DNAH9: variants seen among roughly 807,000 people sequenced by gnomAD.
DNAH9 encodes the protein dynein axonemal heavy chain 9.
Under a neutral mutation model 471.6 loss-of-function variants are expected in DNAH9, and 345 were observed. That is an observed-to-expected ratio of 0.73 (90% CI 0.67 to 0.80). DNAH9 has a LOEUF of 0.80. DNAH9 is among the 30% of genes least tolerant of loss of function. DNAH9 has a pLI of 0.00. For synonymous variants in DNAH9, 2,093 were observed against 2,123.6 expected, an observed-to-expected ratio of 0.99 and a Z score of 0.40; for missense variants, 5,407 against 5,609.2, an observed-to-expected ratio of 0.96 and a Z score of 1.15.
chr17:11,813,256 A>C (rs764299621), intron 45 of DNAH9, among the ~76,000 whole-genome samples: 15 of 152,152 alleles, frequency 9.9e-5, no homozygotes, highest in Non-Finnish European at 2.2e-4. Flanking sequence ...AAAAGGTAAA[A>C]TTTGTGTATA....
intron 61 of DNAH9, among the ~76,000 whole-genome samples, chr17:11,919,033 G>A (rs1042387329): frequency 6.6e-6 from 1 of 152,012 alleles, no homozygotes; most frequent in Non-Finnish European, 1.5e-5. Flanking sequence ...AAAAGAGATG[G>A]GATTTAAATG....
intron 43 of DNAH9, among the ~76,000 whole-genome samples, chr17:11,800,866 A>T (rs1969429222): frequency 6.6e-6 from 1 of 152,228 alleles, no homozygotes; most frequent in South Asian, 2.1e-4. Flanking sequence ...GGAACCTAGC[A>T]GGTGCTCAGT....
At chr17:11,605,305 A>G (rs2072477296) in intron 1 of DNAH9, among the ~76,000 whole-genome samples, 1 of 152,006 alleles carries the variant, frequency 6.6e-6, no homozygotes, top group Non-Finnish European at 1.5e-5. Context: ...ATCTTTATTC[A>G]CAGAACTTAC....
intron 28 of DNAH9, among the ~76,000 whole-genome samples, chr17:11,728,529 AAAAAAAAAAAC>A (rs1458860700): frequency 3.0e-5 from 1 of 33,874 alleles, no homozygotes; most frequent in Non-Finnish European, 1.3e-4. Context: ...TCTGACCTAA[AAAAAAAAAAAC>A]AAAAAAAACT....
Position 11,665,735 on chromosome 17 carries a change from G to A in DNAH9, c.2731+767G>A, listed in dbSNP as rs145355537. Among the ~76,000 whole-genome samples the A allele has an allele frequency of 3.1e-3, 465 of 152,304 alleles. 2 individuals carry two copies. Among genetic ancestry groups the A allele is most frequent in the East Asian group, 0.028 (147 of 5,178 alleles). On this transcript the variant is annotated intron_variant, in intron 15 of 68. Transcript: ENST00000262442. ...TAGCAAATAACCTATAGAAGGATTTGTCAAAATGGTAAGGCAGAGGTAAAT... is the reference window on the plus strand; with the variant it reads ...TAGCAAATAACCTATAGAAGGATTTATCAAAATGGTAAGGCAGAGGTAAAT...
intron 28 of DNAH9, among the ~76,000 whole-genome samples, chr17:11,732,406 C>T (rs902076141): frequency 7.2e-5 from 11 of 152,148 alleles, no homozygotes; most frequent in African/African-American, 2.6e-4. Context: ...ATTATTCACA[C>T]GGCAATCCAG....
At position 11,788,967 on chromosome 17, in the gene DNAH9, T is replaced by C. The variant is rs76632909; in HGVS notation, c.8061+4428T>C. Among the ~76,000 whole-genome samples, 904 of 152,234 alleles carry C rather than the reference T, an allele frequency of 5.9e-3. 11 individuals carry two copies. Among genetic ancestry groups the C allele is most frequent in the African/African-American group, 0.021 (876 of 41,578 alleles). ...TGAATATGTGTTGAAACTTAACAAA[T>C]GATTTTTCTGCCATCTGTTTAATTA... is the stretch of plus-strand genomic sequence containing the variant. On this transcript the variant is annotated intron_variant, in intron 41 of 68. Transcript: ENST00000262442.
intron 29 of DNAH9, among the ~76,000 whole-genome samples, chr17:11,740,104 G>A (rs1390497034): frequency 1.3e-5 from 2 of 152,146 alleles, no homozygotes; most frequent in African/African-American, 4.8e-5. Context: ...AAGAGCTGCT[G>A]GAATGCCAAC....
chr17:11,936,585 G>C (rs1188745411), intron 65 of DNAH9, among the ~76,000 whole-genome samples: 2 of 152,150 alleles, frequency 1.3e-5, no homozygotes, highest in Non-Finnish European at 2.9e-5. Flanking sequence ...AGTGAGCTGT[G>C]TACTCTACTG....
Position 11,727,488 on chromosome 17 carries a change from C to A in DNAH9, c.5710-330C>A, listed in dbSNP as rs935529754. On this transcript the variant is annotated intron_variant, in intron 27 of 68. Transcript: ENST00000262442. ...TGCATGACAAAGGCTGGGTGGAAGG[C>A]TTTTTGTCTGTATAGCATAAGAAAA... Among the ~76,000 whole-genome samples, 5 of 152,128 alleles carry A rather than the reference C, an allele frequency of 3.3e-5. No individual in the cohort carries two copies. In the East Asian group the frequency reaches 9.7e-4, roughly 29 times the overall value.
intron 38 of DNAH9, among the ~76,000 whole-genome samples, chr17:11,777,105 G>A (rs1567794834): frequency 6.6e-6 from 1 of 152,194 alleles, no homozygotes; most frequent in Admixed American, 6.5e-5. Flanking sequence ...TGTGATATAT[G>A]CCTCCTAGAA....
At chr17:11,611,842 T>G in intron 4 of DNAH9, 62 bp downstream of exon 4, 1 of 1,540,254 alleles carries the variant, frequency 6.5e-7, no homozygotes, top group Non-Finnish European at 9.0e-7. Context: ...AATGATGCAT[T>G]CACCTCTCTC....
chr17:11,699,817 C>G lies in DNAH9; in HGVS notation c.4959C>G (p.Ser1653Arg). 4 of 1,614,196 alleles carry G rather than the reference C, an allele frequency of 2.5e-6. No individual in the cohort carries two copies. Among genetic ancestry groups the G allele is most frequent in the Non-Finnish European group, 2.5e-6 (3 of 1,179,990 alleles). ...LDASGEPTKT[S>R]LGMYSKEEEY... ...CCAGTGGGGAACCAACCAAGACAAG[C>G]CTCGGCATGTACAGCAAAGAAGAGG... is the stretch of plus-strand genomic sequence containing the variant. Residue 1653 changes from serine to arginine, a missense_variant, in exon 23 of 69, where the codon AGC (serine) becomes AGG (arginine). Coordinates refer to ENST00000262442, the MANE Select transcript of DNAH9 (RefSeq NM_001372.4).
intron 62 of DNAH9, among the ~76,000 whole-genome samples, chr17:11,924,504 A>G (rs1974249110): frequency 6.6e-6 from 1 of 152,090 alleles, no homozygotes; most frequent in Non-Finnish European, 1.5e-5. Context: ...AAGAGAGTTA[A>G]ATTAAAGAAT....
intron 11 of DNAH9, among the ~76,000 whole-genome samples, chr17:11,644,952 T>C (rs2073352854): frequency 6.6e-6 from 1 of 151,962 alleles, no homozygotes; most frequent in African/African-American, 2.4e-5. Flanking sequence ...GAGCTAGGAG[T>C]GGGGTGCTAC....
At chr17:11,832,183 T>C (rs1216462527) in intron 48 of DNAH9, among the ~76,000 whole-genome samples, 3 of 152,202 alleles carry the variant, frequency 2.0e-5, no homozygotes, top group Non-Finnish European at 4.4e-5. Flanking sequence ...TTGTGAAGCT[T>C]GGTTGGGGGA....
chr17:11,710,399 A>T (rs2074808825), intron 26 of DNAH9, among the ~76,000 whole-genome samples: 1 of 152,212 alleles, frequency 6.6e-6, no homozygotes, highest in Non-Finnish European at 1.5e-5. Context: ...CAAGAAGCAG[A>T]ATAATTAGAT....
chr17:11,740,845 C>A (rs1302610378), intron 29 of DNAH9, among the ~76,000 whole-genome samples: 1 of 152,184 alleles, frequency 6.6e-6, no homozygotes. Context: ...TCCCCGCCCC[C>A]AGTCCTGTCA....
Position 11,922,093 on chromosome 17 carries a change from T to C in DNAH9, c.11750-1721T>C, listed in dbSNP as rs11868379. 9.8e-3 allele frequency among the ~76,000 whole-genome samples: 1,487 copies of C among 152,326 alleles called. 19 individuals are homozygous for C. Among genetic ancestry groups the C allele is most frequent in the African/African-American group, 0.034 (1,420 of 41,556 alleles). ...ACTAAGATTTATAATTTAATAACGG[T>C]GTTTCTTGGGTTCATCTCAGTTAAG... On this transcript the variant is annotated intron_variant, in intron 61 of 68. Coordinates refer to ENST00000262442, the MANE Select transcript of DNAH9 (RefSeq NM_001372.4).
Sources: gnomAD v4.1 joint callset for allele counts (sites outside exome capture counted in the v4.1 genomes callset) on GRCh38, gnomAD v4.1.1 for gene constraint, MANE v1.5 for transcripts, NCBI Gene and HGNC (gene_info 2026-07-23, HGNC 2026-07-21) for gene names.